Variants in TSGA10 observed in about 807,000 individuals in gnomAD.
TSGA10 encodes testis-specific gene 10 protein.
In TSGA10, 43 loss-of-function variants were observed where a neutral mutation model predicts 96.6. That is an observed-to-expected ratio of 0.44 (90% confidence interval 0.35 to 0.57). TSGA10 has a LOEUF of 0.57. Ranked by LOEUF, TSGA10 falls within the 20% of genes least tolerant of loss-of-function variation. The pLI is 0.01. For synonymous variants in TSGA10, 229 were observed against 269.9 expected, an observed-to-expected ratio of 0.85 and a Z score of 1.48; for missense variants, 703 against 834.4, an observed-to-expected ratio of 0.84 and a Z score of 1.94.
At chr2:99,013,420 C>T (rs987260158) in intron 20 of TSGA10, among the ~76,000 whole-genome samples, 2 of 152,094 alleles carry the variant, frequency 1.3e-5, no homozygotes, top group South Asian at 2.1e-4. Context: ...GCAAGCTCCA[C>T]CCCCTGGGTT....
intron 10 of TSGA10, among the ~76,000 whole-genome samples, chr2:99,095,112 C>T (rs1030749525): frequency 1.3e-5 from 2 of 152,128 alleles, no homozygotes; most frequent in African/African-American, 2.4e-5. Context: ...CTGGATGGAA[C>T]TGGAGACCAT....
rs1052720414 is a variant in TSGA10 at position 99,105,419 on chromosome 2, T to G, written c.399A>C (p.Ala133=). ...GTTCCAGGTGAGCCTTCTCATTAAA[T>G]GCTGTCTCTTGAGCAATCTGATTAA... ...RERLKIAQET[A]FNEKAHLEQR... is the part of the protein sequence containing the mutation. The change falls in exon 9 of 21, where the codon GCA becomes GCC. Residue 133 remains alanine (A), a synonymous_variant. Transcript: ENST00000393483. 1 of 1,613,700 alleles carries G rather than the reference T, an allele frequency of 6.2e-7. No homozygotes were observed. The highest frequency in any genetic ancestry group is 8.5e-7 in the Non-Finnish European group (1 of 1,179,982).
intron 16 of TSGA10, among the ~76,000 whole-genome samples, chr2:99,040,358 C>T (rs2082072595): frequency 1.3e-5 from 2 of 152,058 alleles, no homozygotes; most frequent in South Asian, 4.1e-4. Flanking sequence ...GGATCATATA[C>T]CTAGAAAACT....
chr2:99,062,755 T>C (rs2084841077), intron 16 of TSGA10, among the ~76,000 whole-genome samples: 1 of 151,980 alleles, frequency 6.6e-6, no homozygotes, highest in Non-Finnish European at 1.5e-5. Flanking sequence ...CAAACAAACT[T>C]TAGTAATTAA....
intron 1 of TSGA10, among the ~76,000 whole-genome samples, chr2:99,148,800 G>A (rs142994181): frequency 0.06 from 9,116 of 152,140 alleles, 528 homozygotes; most frequent in East Asian, 0.21. Context: ...GGGAAACCCC[G>A]TCTCTACTAA....
intron 16 of TSGA10, among the ~76,000 whole-genome samples, chr2:99,045,350 C>T (rs905849307): frequency 6.6e-6 from 1 of 152,090 alleles, no homozygotes; most frequent in Admixed American, 6.6e-5. Flanking sequence ...TCGGGTTACC[C>T]ACAAAGGGAA....
intron 10 of TSGA10, among the ~76,000 whole-genome samples, chr2:99,085,475 GGCACATGTCTGTGGTCCCA>G (rs1558965076): frequency 6.6e-6 from 1 of 151,154 alleles, no homozygotes; most frequent in African/African-American, 2.4e-5. Context: ...CAGGCACAGC[GGCACATGTCTGTGGTCCCA>G]GCTACTTGGG....
intron 1 of TSGA10, among the ~76,000 whole-genome samples, chr2:99,136,095 C>T (rs969620662): frequency 9.9e-5 from 15 of 151,494 alleles, no homozygotes; most frequent in African/African-American, 3.6e-4. Context: ...TAGAATAGTG[C>T]CTGGCACATG....
intron 16 of TSGA10, among the ~76,000 whole-genome samples, chr2:99,048,232 C>T (rs1340594464): frequency 6.6e-6 from 1 of 152,116 alleles, no homozygotes; most frequent in Non-Finnish European, 1.5e-5. Flanking sequence ...CTTTAAACTT[C>T]ATATAGAACC....
chr2:99,036,412 C>T (rs902909849), intron 16 of TSGA10, among the ~76,000 whole-genome samples: 10 of 151,982 alleles, frequency 6.6e-5, no homozygotes, highest in Admixed American at 2.0e-4. Flanking sequence ...GGTACATATT[C>T]GATGGTATGT....
intron 12 of TSGA10, among the ~76,000 whole-genome samples, chr2:99,075,100 T>C (rs1351927727): frequency 6.6e-6 from 1 of 152,204 alleles, no homozygotes; most frequent in African/African-American, 2.4e-5. Context: ...ATTTCTGGGT[T>C]GAATCCAATA....
intron 10 of TSGA10, chr2:99,102,238 T>G: frequency 6.2e-7 from 1 of 1,612,238 alleles, no homozygotes; most frequent in Non-Finnish European, 8.5e-7. Flanking sequence ...TTCCAGAAGT[T>G]AGTACCTGGT....
chr2:99,020,209 G>T, intron 18 of TSGA10, 71 bp downstream of exon 18: 1 of 1,335,752 alleles, frequency 7.5e-7, no homozygotes, highest in Non-Finnish European at 1.0e-6. Context: ...CTAAATTCTA[G>T]CTTAAAATTT....
chr2:99,151,664 G>A (rs1410742038), intron 1 of TSGA10, among the ~76,000 whole-genome samples: 2 of 152,124 alleles, frequency 1.3e-5, no homozygotes, highest in Admixed American at 6.6e-5. Context: ...CATATCTTCA[G>A]AAGGATTTCA....
At chr2:99,125,587 T>C (rs2092783853) in intron 2 of TSGA10, 2 of 152,334 alleles carry the variant, frequency 1.3e-5, no homozygotes. Flanking sequence ...TGGATTACAA[T>C]GCCTTTTTTA....
intron 10 of TSGA10, among the ~76,000 whole-genome samples, chr2:99,098,879 T>G (rs2090391319): frequency 6.6e-6 from 1 of 152,236 alleles, no homozygotes; most frequent in African/African-American, 2.4e-5. Context: ...AAAGAAGAGA[T>G]CCAAATGACT....
intron 1 of TSGA10, among the ~76,000 whole-genome samples, chr2:99,145,664 C>T (rs2093624404): frequency 6.6e-6 from 1 of 152,312 alleles, no homozygotes; most frequent in South Asian, 2.1e-4. Flanking sequence ...TTAATTCCCC[C>T]TTGCCACATA....
intron 4 of TSGA10, among the ~76,000 whole-genome samples, chr2:99,114,816 G>A (rs2092114552): frequency 6.6e-6 from 1 of 152,122 alleles, no homozygotes; most frequent in Admixed American, 6.6e-5. Context: ...CTTCTAAACA[G>A]GGCATTCTCA....
At chr2:99,009,128 G>A (rs2078770922) in intron 20 of TSGA10, among the ~76,000 whole-genome samples, 2 of 151,762 alleles carry the variant, frequency 1.3e-5, no homozygotes, top group Admixed American at 6.6e-5. Flanking sequence ...TTAAGTTGAG[G>A]AAAAAACTAG....
Sources: gnomAD v4.1 joint callset for allele counts (sites outside exome capture counted in the v4.1 genomes callset) on GRCh38, gnomAD v4.1.1 for gene constraint, MANE v1.5 for transcripts, NCBI Gene and HGNC (gene_info 2026-07-23, HGNC 2026-07-21) for gene names.